The following FBXL17 variants were observed in gnomAD, a reference collection of about 807,000 sequenced individuals.
FBXL17 encodes the protein F-box and leucine rich repeat protein 17.
Under a neutral mutation model 66.2 loss-of-function variants are expected in FBXL17, and 22 were observed. The observed-to-expected ratio is 0.33, with a 90% CI of 0.24 to 0.47. The LOEUF (loss-of-function observed/expected upper bound fraction) is 0.47. FBXL17 is among the 20% of genes least tolerant of loss of function. FBXL17 has a pLI of 1.00. For synonymous variants in FBXL17, 474 were observed against 400.5 expected (o/e 1.18, Z -2.19); for missense variants, 878 against 948.2 (o/e 0.93, Z 0.97).
At chr5:108,280,248 A>C (rs1757648825) in intron 4 of FBXL17, among the ~76,000 whole-genome samples, 1 of 152,188 alleles carries the variant, frequency 6.6e-6, no homozygotes, top group African/African-American at 2.4e-5. Context: ...TCACCTATAA[A>C]GGAAATTACA....
chr5:107,907,825 G>A (rs1561525813), intron 7 of FBXL17, among the ~76,000 whole-genome samples: 2 of 152,088 alleles, frequency 1.3e-5, no homozygotes, highest in Non-Finnish European at 2.9e-5. Flanking sequence ...GGAGAAATAG[G>A]AACACTTTTA....
At chr5:107,949,061 T>C (rs549770871) in intron 7 of FBXL17, among the ~76,000 whole-genome samples, 12 of 151,918 alleles carry the variant, frequency 7.9e-5, no homozygotes, top group Non-Finnish European at 1.8e-4. Context: ...CAAAGATCAA[T>C]AGTACCAAAA....
intron 4 of FBXL17, among the ~76,000 whole-genome samples, chr5:108,333,083 A>G (rs998809606): frequency 6.2e-5 from 9 of 144,264 alleles, no homozygotes; most frequent in African/African-American, 8.4e-5. Flanking sequence ...CCTTAAAATG[A>G]AAGCCGAAGC....
intron 6 of FBXL17, among the ~76,000 whole-genome samples, chr5:108,175,635 T>G (rs1752768917): frequency 6.6e-6 from 1 of 152,214 alleles, no homozygotes; most frequent in African/African-American, 2.4e-5. Context: ...GAAAGTATTC[T>G]GTCATTCTTC....
At chr5:107,954,419 G>C (rs1467366330) in intron 7 of FBXL17, among the ~76,000 whole-genome samples, 1 of 152,204 alleles carries the variant, frequency 6.6e-6, no homozygotes, top group Non-Finnish European at 1.5e-5. Flanking sequence ...TCAGAAAGCA[G>C]GCTGAATCAT....
At chr5:108,301,746 A>G (rs537831940) in intron 4 of FBXL17, among the ~76,000 whole-genome samples, 1 of 151,950 alleles carries the variant, frequency 6.6e-6, no homozygotes, top group East Asian at 1.9e-4. Flanking sequence ...ATCCACCAAG[A>G]GACAGGATTT....
At chr5:108,204,918 T>C (rs1332614722) in intron 5 of FBXL17, among the ~76,000 whole-genome samples, 3 of 152,084 alleles carry the variant, frequency 2.0e-5, no homozygotes, top group African/African-American at 7.2e-5. Flanking sequence ...TTTGCATTTT[T>C]TTTTCTTTCA....
chr5:108,023,697 C>G (rs1359686110), intron 6 of FBXL17, among the ~76,000 whole-genome samples: 1 of 152,184 alleles, frequency 6.6e-6, no homozygotes, highest in Admixed American at 6.6e-5. Context: ...CACAAAGAAT[C>G]TTGGCTCTAG....
chr5:108,019,509 G>A (rs1032662637), intron 7 of FBXL17, among the ~76,000 whole-genome samples: 27 of 152,038 alleles, frequency 1.8e-4, no homozygotes, highest in African/African-American at 6.3e-4. Flanking sequence ...TTAGCTACCT[G>A]ACAATTGGCA....
chr5:108,361,537 T>G (rs532036615), intron 3 of FBXL17, among the ~76,000 whole-genome samples: 2 of 152,184 alleles, frequency 1.3e-5, no homozygotes. Flanking sequence ...TGGGCATGCA[T>G]GCGGCTTTCA....
At chr5:108,143,856 C>T (rs1751457678) in intron 6 of FBXL17, among the ~76,000 whole-genome samples, 1 of 150,930 alleles carries the variant, frequency 6.6e-6, no homozygotes, top group African/African-American at 2.4e-5. Context: ...GCAAGGAAAA[C>T]ACAACTCACA....
chr5:108,298,711 G>C (rs1758451549), intron 4 of FBXL17: 1 of 763,908 alleles, frequency 1.3e-6, no homozygotes, highest in African/African-American at 1.9e-5. Context: ...AAGTATCAAA[G>C]TCTTATAATT....
chr5:107,950,829 G>A (rs936261319), intron 7 of FBXL17, among the ~76,000 whole-genome samples: 1 of 152,182 alleles, frequency 6.6e-6, no homozygotes, highest in Admixed American at 6.5e-5. Context: ...TGATGGACGT[G>A]ATTAATGTGT....
At chr5:108,351,461 A>C (rs991985184) in intron 3 of FBXL17, among the ~76,000 whole-genome samples, 3 of 152,176 alleles carry the variant, frequency 2.0e-5, no homozygotes, top group Admixed American at 6.5e-5. Flanking sequence ...GTATTTAATA[A>C]ACTGGATATT....
Position 108,021,141 on chromosome 5 carries a change from CT to C in FBXL17, c.1746-141del, listed in dbSNP as rs1754584361. 1.8e-5 allele frequency: 10 copies of C among 564,888 alleles called. No individual in the cohort carries two copies. In the East Asian group the frequency reaches 2.9e-4, roughly 16 times the overall value. 35.0% of individuals were successfully genotyped at this position (564,888 alleles called of 1,614,324 possible). On this transcript the variant is annotated intron_variant, in intron 6 of 8. Transcript: ENST00000542267. ...TTCAGGAAAGGTATTATATTCCCTG[CT>C]TTAAAGTCAAGTGCTGTCATACCTA...
At chr5:108,082,912 T>A (rs373350818) in intron 6 of FBXL17, among the ~76,000 whole-genome samples, 1 of 152,036 alleles carries the variant, frequency 6.6e-6, no homozygotes, top group Admixed American at 6.6e-5. Context: ...TCAGTAGGAG[T>A]TGGATAATAA....
intron 6 of FBXL17, among the ~76,000 whole-genome samples, chr5:108,149,066 T>C (rs1239406479): frequency 1.3e-5 from 2 of 152,140 alleles, no homozygotes; most frequent in African/African-American, 4.8e-5. Flanking sequence ...ACATGGCAAA[T>C]GACAGGTTCT....
At chr5:107,929,572 A>T (rs1356114815) in intron 7 of FBXL17, among the ~76,000 whole-genome samples, 1 of 152,210 alleles carries the variant, frequency 6.6e-6, no homozygotes, top group African/African-American at 2.4e-5. Context: ...GTTTACTCTA[A>T]ATCTAAAATG....
intron 4 of FBXL17, among the ~76,000 whole-genome samples, chr5:108,312,685 G>A (rs935909032): frequency 6.6e-6 from 1 of 151,964 alleles, no homozygotes; most frequent in South Asian, 2.1e-4. Flanking sequence ...ACACAACTAT[G>A]TAAATTTTTC....
Sources: allele counts gnomAD v4.1 joint callset (sites outside exome capture counted in the v4.1 genomes callset), GRCh38; gene constraint gnomAD v4.1.1; transcripts MANE v1.5; gene names NCBI Gene and HGNC (gene_info 2026-07-23, HGNC 2026-07-21).